Variants in FOXP2 observed in about 807,000 individuals in gnomAD.
FOXP2 encodes forkhead box protein P2.
FOXP2 carries 12 observed loss-of-function variants against 115.8 expected under a neutral mutation model. The ratio of observed to expected loss-of-function variants is 0.10; its 90% confidence interval spans 0.07 to 0.17. FOXP2 has a LOEUF of 0.17. Ranked by LOEUF, FOXP2 falls within the 10% of genes least tolerant of loss-of-function variation. The probability of loss-of-function intolerance (pLI) is 1.00; values close to 1 mark genes in which losing one functional copy is unlikely to be tolerated. For synonymous variants in FOXP2, 328 were observed against 297.7 expected (o/e 1.10, Z -1.05); for missense variants, 629 against 843.5 (o/e 0.75, Z 3.15).
At chr7:114,546,244 A>G (rs1584878280) in intron 3 of FOXP2, among the ~76,000 whole-genome samples, 3 of 152,038 alleles carry the variant, frequency 2.0e-5, no homozygotes, top group Admixed American at 1.3e-4. Context: ...GCTTTTCCTG[A>G]CGCCATTGTG....
chr7:114,221,690 T>G (rs1253915756), intron 1 of FOXP2, among the ~76,000 whole-genome samples: 1 of 152,218 alleles, frequency 6.6e-6, no homozygotes. Context: ...TTTTCTGTGC[T>G]TTTTGCTATA....
At chr7:114,548,301 T>C (rs1181660839) in intron 3 of FOXP2, among the ~76,000 whole-genome samples, 2 of 152,214 alleles carry the variant, frequency 1.3e-5, no homozygotes, top group Admixed American at 1.3e-4. Flanking sequence ...AACAATATCA[T>C]ATGAATACCC....
chr7:114,220,507 T>C (rs889013030), intron 1 of FOXP2, among the ~76,000 whole-genome samples: 2 of 152,222 alleles, frequency 1.3e-5, no homozygotes, highest in African/African-American at 2.4e-5. Flanking sequence ...ATAATGAGAA[T>C]TGACTTCAAA....
At chr7:114,674,805 G>A (rs1807673875) in intron 16 of FOXP2, among the ~76,000 whole-genome samples, 1 of 152,034 alleles carries the variant, frequency 6.6e-6, no homozygotes, top group Admixed American at 6.6e-5. Flanking sequence ...TTTCTGTGGA[G>A]AAAGCCTGGT....
At chr7:114,301,875 A>G (rs1796886830) in intron 2 of FOXP2, among the ~76,000 whole-genome samples, 2 of 152,046 alleles carry the variant, frequency 1.3e-5, no homozygotes, top group Admixed American at 6.6e-5. Flanking sequence ...ATTTGTATAA[A>G]TTTTCTGTGG....
chr7:114,178,448 C>G lies in FOXP2; in HGVS notation c.-102+15360C>G, dbSNP rs184463274. On this transcript the variant is annotated intron_variant, in intron 1 of 17. Coordinates refer to the FOXP2 transcript ENST00000634411. ...TTATGTAATTAAATTAATGGATATA[C>G]ACATTTTGTGACATTCAAAGGATTT... 1.6e-3 allele frequency among the ~76,000 whole-genome samples: 237 copies of G among 152,012 alleles called. 1 individual carries two copies. The highest frequency in any genetic ancestry group is 5.5e-3 in the African/African-American group (228 of 41,532).
intron 2 of FOXP2, among the ~76,000 whole-genome samples, chr7:114,493,106 G>A (rs960138156): frequency 7.9e-5 from 12 of 152,132 alleles, no homozygotes; most frequent in South Asian, 4.1e-4. Flanking sequence ...TATTGGGTGC[G>A]TATACATTTA....
chr7:114,209,298 C>G (rs1198513915), intron 1 of FOXP2, among the ~76,000 whole-genome samples: 1 of 152,192 alleles, frequency 6.6e-6, no homozygotes, highest in Non-Finnish European at 1.5e-5. Flanking sequence ...CCATGCTGAA[C>G]TGTGAGTCAA....
At chr7:114,563,168 C>A (rs771809158) in intron 3 of FOXP2, among the ~76,000 whole-genome samples, 15 of 152,260 alleles carry the variant, frequency 9.9e-5, no homozygotes, top group Non-Finnish European at 1.8e-4. Context: ...AGGTCCCTCC[C>A]ATGACACATG....
intron 3 of FOXP2, among the ~76,000 whole-genome samples, chr7:114,596,186 A>C (rs1031645594): frequency 6.6e-6 from 1 of 152,046 alleles, no homozygotes; most frequent in South Asian, 2.1e-4. Context: ...GAGAGAAGTC[A>C]TGGTTCCCTT....
chr7:114,688,001 T>C (rs1808452390), intron 16 of FOXP2, among the ~76,000 whole-genome samples: 1 of 151,778 alleles, frequency 6.6e-6, no homozygotes, highest in Admixed American at 6.6e-5. Flanking sequence ...TATACATACA[T>C]ATACATAGAC....
chr7:114,434,455 GT>G (rs1562924591), intron 2 of FOXP2, among the ~76,000 whole-genome samples: 1 of 148,368 alleles, frequency 6.7e-6, no homozygotes, highest in African/African-American at 2.5e-5. Context: ...GGGGGATAAG[GT>G]ACAGCAATTT....
At chr7:114,243,456 T>G (rs1167896244) in intron 1 of FOXP2, among the ~76,000 whole-genome samples, 2 of 152,128 alleles carry the variant, frequency 1.3e-5, no homozygotes, top group African/African-American at 2.4e-5. Flanking sequence ...CTCTAGCTAG[T>G]GCATCCAGTG....
intron 6 of FOXP2, among the ~76,000 whole-genome samples, chr7:114,638,212 T>C (rs1805328112): frequency 6.6e-6 from 1 of 152,158 alleles, no homozygotes; most frequent in Non-Finnish European, 1.5e-5. Context: ...TTACGCAAAC[T>C]AGTGTAATTA....
chr7:114,175,706 G>A (rs1793272676), intron 1 of FOXP2, among the ~76,000 whole-genome samples: 4 of 152,040 alleles, frequency 2.6e-5, no homozygotes. Flanking sequence ...TCAGATAATG[G>A]TAGCTATAAA....
At chr7:114,568,723 C>A (rs905167368) in intron 3 of FOXP2, among the ~76,000 whole-genome samples, 1 of 151,748 alleles carries the variant, frequency 6.6e-6, no homozygotes, top group African/African-American at 2.4e-5. Flanking sequence ...CCTTAAATTA[C>A]CATTTAAGGG....
At chr7:114,399,827 G>A (rs778858647) in intron 2 of FOXP2, among the ~76,000 whole-genome samples, 57 of 151,074 alleles carry the variant, frequency 3.8e-4, no homozygotes, top group Non-Finnish European at 6.6e-4. Flanking sequence ...CCTTAATTTC[G>A]AAGTGTCAAA....
chr7:114,186,490 C>G (rs1793610391), intron 1 of FOXP2, among the ~76,000 whole-genome samples: 1 of 151,886 alleles, frequency 6.6e-6, no homozygotes, highest in South Asian at 2.1e-4. Flanking sequence ...CTTTGTCCCA[C>G]CTCCCAAATA....
intron 2 of FOXP2, among the ~76,000 whole-genome samples, chr7:114,507,894 A>G (rs1797899926): frequency 6.6e-6 from 1 of 151,984 alleles, no homozygotes; most frequent in African/African-American, 2.4e-5. Flanking sequence ...AGGAGGCAGT[A>G]TATATTGAGT....
Sources: gnomAD v4.1 joint callset for allele counts (sites outside exome capture counted in the v4.1 genomes callset) on GRCh38, gnomAD v4.1.1 for gene constraint, MANE v1.5 for transcripts, NCBI Gene and HGNC (gene_info 2026-07-23, HGNC 2026-07-21) for gene names.